Variants in ZNF92 observed in about 807,000 individuals in gnomAD.
ZNF92 encodes the protein epididymis luminal protein 203.
Under a neutral mutation model 12.4 loss-of-function variants are expected in ZNF92, and 11 were observed. That is an observed-to-expected ratio of 0.89 (90% CI 0.56 to 1.47). The LOEUF (loss-of-function observed/expected upper bound fraction) is 1.47. ZNF92 is among the 40% of genes most tolerant of loss of function. The pLI is 0.00. For synonymous variants in ZNF92, 206 were observed against 228.6 expected (o/e 0.90, Z 0.89); for missense variants, 622 against 681.0 (o/e 0.91, Z 0.96).
intron 3 of ZNF92, among the ~76,000 whole-genome samples, chr7:65,397,011 T>C (rs2116402710): frequency 6.6e-6 from 1 of 150,486 alleles, no homozygotes; most frequent in East Asian, 1.9e-4. Context: ...TCTGTACTAC[T>C]TTTTTTTTTC....
At chr7:65,386,569 G>A (rs1256944038) in intron 1 of ZNF92, among the ~76,000 whole-genome samples, 1 of 152,012 alleles carries the variant, frequency 6.6e-6, no homozygotes, top group African/African-American at 2.4e-5. Flanking sequence ...AATGCTTTTT[G>A]AAACAGGATG....
intron 3 of ZNF92, among the ~76,000 whole-genome samples, chr7:65,393,239 A>G (rs950436371): frequency 3.3e-5 from 5 of 152,154 alleles, no homozygotes; most frequent in Admixed American, 3.3e-4. Flanking sequence ...ACTGTTTAAG[A>G]TATCTCATAT....
chr7:65,382,272 G>A (rs1290634227), intron 1 of ZNF92, among the ~76,000 whole-genome samples: 1 of 151,954 alleles, frequency 6.6e-6, no homozygotes, highest in Non-Finnish European at 1.5e-5. Context: ...GTGTAATTGT[G>A]TAATAAAACA....
At chr7:65,397,799 G>A (rs942057356) in intron 3 of ZNF92, among the ~76,000 whole-genome samples, 16 of 151,104 alleles carry the variant, frequency 1.1e-4, no homozygotes, top group Non-Finnish European at 2.2e-4. Flanking sequence ...ACACGTGTTC[G>A]CTGTCTGTGG....
intron 3 of ZNF92, among the ~76,000 whole-genome samples, chr7:65,394,377 C>T (rs982177190): frequency 2.0e-5 from 3 of 151,992 alleles, no homozygotes; most frequent in African/African-American, 7.2e-5. Flanking sequence ...GGGTTCATTT[C>T]TAGGCTCTCT....
At chr7:65,384,742 C>CAA (rs201104234) in intron 1 of ZNF92, among the ~76,000 whole-genome samples, 5 of 151,304 alleles carry the variant, frequency 3.3e-5, no homozygotes, top group African/African-American at 1.2e-4. Context: ...ACATTTTTCA[C>CAA]AAAAAAAATG....
chr7:65,377,804 A>G (rs989472257), intron 1 of ZNF92, among the ~76,000 whole-genome samples: 5 of 152,154 alleles, frequency 3.3e-5, no homozygotes, highest in African/African-American at 1.2e-4. Context: ...TGACCTCATG[A>G]TCCACCCACC....
chr7:65,383,878 A>G (rs1793492526), intron 1 of ZNF92, among the ~76,000 whole-genome samples: 1 of 152,086 alleles, frequency 6.6e-6, no homozygotes, highest in South Asian at 2.1e-4. Context: ...TCTCACAATC[A>G]CCTAGGCATC....
chr7:65,396,486 A>G (rs1793849498), intron 3 of ZNF92, among the ~76,000 whole-genome samples: 1 of 152,122 alleles, frequency 6.6e-6, no homozygotes, highest in South Asian at 2.1e-4. Context: ...TGTTTCTATT[A>G]ACAGATTTAT....
chr7:65,388,187 G>T, intron 2 of ZNF92, 159 bp downstream of exon 2: 1 of 702,922 alleles, frequency 1.4e-6, no homozygotes, highest in African/African-American at 1.9e-5. Context: ...ACTTCTTCAA[G>T]ATGTTTCATT....
At chr7:65,387,638 T>A (rs527781625) in intron 1 of ZNF92, among the ~76,000 whole-genome samples, 1 of 152,046 alleles carries the variant, frequency 6.6e-6, no homozygotes, top group South Asian at 2.1e-4. Context: ...GTTCATGCCC[T>A]TAATTTTATA....
chr7:65,400,347 T>C lies in ZNF92; in HGVS notation c.*472T>C, dbSNP rs1358565464. ...CCTAAAGCATTAGTTGCTCAAACTT[T>C]GTTCGACATCAGGGAATTTGTATTG... On this transcript the variant is annotated 3_prime_UTR_variant, in exon 4 of 4. Transcript: ENST00000328747. 2 of 152,234 alleles carry C rather than the reference T, an allele frequency of 1.3e-5. No homozygotes were observed. The highest frequency in any genetic ancestry group is 4.8e-5 in the African/African-American group (2 of 41,412). 9.4% of individuals were successfully genotyped at this position (152,234 alleles called of 1,614,324 possible). A position where few individuals can be genotyped will look rare whatever the true frequency, so the allele number is the denominator to read the frequency against.
chr7:65,385,754 G>A (rs1174342140), intron 1 of ZNF92, among the ~76,000 whole-genome samples: 1 of 151,972 alleles, frequency 6.6e-6, no homozygotes, highest in Non-Finnish European at 1.5e-5. Flanking sequence ...AGGTGGTGCC[G>A]ACACCTTTAA....
chr7:65,399,902 C>A lies in ZNF92; in HGVS notation c.*27C>A. On this transcript the variant is annotated 3_prime_UTR_variant, in exon 4 of 4. Transcript: ENST00000328747. ...AGATGTGACAATGATTTTCACTACA[C>A]CTCAAACTTTTCTAAACATAAACCA... The A allele has an allele frequency of 1.3e-6, 2 of 1,522,148 alleles. No homozygotes were observed. The highest frequency in any genetic ancestry group is 1.4e-5 in the African/African-American group (1 of 71,922). The allele number at this position is 1,522,148 out of a possible 1,614,324, so 94.3% of individuals were successfully genotyped here.
Position 65,399,229 on chromosome 7 carries a change from A to G in ZNF92, c.1115A>G (p.Asp372Gly), listed in dbSNP as rs780966112. The G allele has an allele frequency of 3.7e-6, 6 of 1,613,178 alleles. No homozygotes were observed. In the East Asian group the frequency reaches 1.3e-4, roughly 36 times the overall value. Residue 372 changes from aspartate to glycine, a missense_variant, in exon 4 of 4, where the codon GAT (aspartate) becomes GGT (glycine). By Grantham distance (94) the Asp-to-Gly change is moderately conservative (BLOSUM62 -1). Coordinates refer to ENST00000328747, the MANE Select transcript of ZNF92 (RefSeq NM_152626.4). Reference sequence around the variant, plus strand: ...ACTGGAGAGAAACCCTACAAATGTGATGAATGTGGCAAAGCCTTTAACCAG... The same window carrying G: ...ACTGGAGAGAAACCCTACAAATGTGGTGAATGTGGCAAAGCCTTTAACCAG... ...IHTGEKPYKC[D>G]ECGKAFNQSS... is the part of the protein sequence containing the mutation.
chr7:65,387,807 T>C (rs1793612346), intron 1 of ZNF92, 95 bp from the exon 2 acceptor site: 8 of 1,416,374 alleles, frequency 5.6e-6, no homozygotes, highest in African/African-American at 1.5e-5. Flanking sequence ...CTTGTTCTCT[T>C]TACTCTTTCA....
At chr7:65,392,316 A>G (rs1793737572) in intron 3 of ZNF92, among the ~76,000 whole-genome samples, 1 of 151,886 alleles carries the variant, frequency 6.6e-6, no homozygotes, top group Non-Finnish European at 1.5e-5. Context: ...GGGTAAGAGA[A>G]ACATTTTTGT....
chr7:65,374,008 T>G lies in ZNF92; in HGVS notation c.3+8T>G. On this transcript the variant is annotated splice_region_variant and intron_variant, in intron 1 of 3. Coordinates refer to ENST00000328747, the MANE Select transcript of ZNF92 (RefSeq NM_152626.4). ...CCTGGAAGCCTAGAAATGGTGAGCC[T>G]GCTGGGTCCCACATCCCGAGAGAGG... 6.2e-7 allele frequency: 1 copy of G among 1,614,114 alleles called. No individual in the cohort carries two copies. The highest frequency in any genetic ancestry group is 8.5e-7 in the Non-Finnish European group (1 of 1,180,002).
chr7:65,400,105 G>T lies in ZNF92; in HGVS notation c.*230G>T, dbSNP rs937439607. 3 of 384,398 alleles carry T rather than the reference G, an allele frequency of 7.8e-6. No individual in the cohort carries two copies. Among genetic ancestry groups the T allele is most frequent in the Admixed American group, 4.1e-5 (1 of 24,268 alleles). 23.8% of individuals were successfully genotyped at this position (384,398 alleles called of 1,614,324 possible). A position where few individuals can be genotyped will look rare whatever the true frequency, so the allele number is the denominator to read the frequency against. On this transcript the variant is annotated 3_prime_UTR_variant, in exon 4 of 4. Transcript: ENST00000328747. The stretch of plus-strand genomic sequence containing the variant: ...AAAGCATTTATACTTGAGAAAAATT[G>T]TATAAAGAATATGGAAAAGCCATTT...
Sources: gnomAD v4.1 joint callset for allele counts (sites outside exome capture counted in the v4.1 genomes callset) on GRCh38, gnomAD v4.1.1 for gene constraint, MANE v1.5 for transcripts, NCBI Gene and HGNC (gene_info 2026-07-23, HGNC 2026-07-21) for gene names.